GRID2: variants seen among roughly 807,000 people sequenced by gnomAD.
GRID2 encodes the protein glutamate ionotropic receptor delta type subunit 2, also known as glutamate receptor ionotropic, delta-2.
In GRID2, 33 loss-of-function variants were observed where a neutral mutation model predicts 114.8. The observed-to-expected ratio is 0.29, with a 90% CI of 0.22 to 0.38. The LOEUF (loss-of-function observed/expected upper bound fraction) is 0.38, where lower values mean the gene tolerates loss of function less well. Among genes scored for constraint, GRID2 ranks in the 10% least tolerant of loss-of-function variants. The pLI is 1.00. For missense variants in GRID2, 1,184 were observed against 1,257.7 expected (o/e 0.94, Z 0.89); for synonymous variants, 505 against 449.9 (o/e 1.12, Z -1.55).
chr4:93,493,343 A>G (rs1727205392), intron 12 of GRID2, among the ~76,000 whole-genome samples: 1 of 151,880 alleles, frequency 6.6e-6, no homozygotes, highest in Admixed American at 6.6e-5. Context: ...CCAGAAGTTA[A>G]GCATATTACA....
At chr4:93,184,280 A>C (rs910520866) in intron 4 of GRID2, among the ~76,000 whole-genome samples, 2 of 152,144 alleles carry the variant, frequency 1.3e-5, no homozygotes, top group African/African-American at 4.8e-5. Context: ...GCTATGCATG[A>C]AGGCACACAT....
chr4:92,484,475 G>T (rs1351299649), intron 1 of GRID2, among the ~76,000 whole-genome samples: 3 of 152,084 alleles, frequency 2.0e-5, no homozygotes, highest in Non-Finnish European at 4.4e-5. Flanking sequence ...CATCTTCATA[G>T]AGTACTCAGA....
chr4:93,005,341 C>CA (rs1313518971), intron 2 of GRID2, among the ~76,000 whole-genome samples: 3 of 152,058 alleles, frequency 2.0e-5, no homozygotes, highest in African/African-American at 7.2e-5. Context: ...GTGCTGCCTA[C>CA]AGACTTTATA....
intron 2 of GRID2, among the ~76,000 whole-genome samples, chr4:92,777,212 G>A (rs550748720): frequency 6.6e-6 from 1 of 151,638 alleles, no homozygotes; most frequent in Non-Finnish European, 1.5e-5. Context: ...GTATAAGTAG[G>A]TTTCTCAGTA....
intron 3 of GRID2, among the ~76,000 whole-genome samples, chr4:93,093,386 A>G (rs1730941221): frequency 6.6e-6 from 1 of 152,042 alleles, no homozygotes; most frequent in Non-Finnish European, 1.5e-5. Context: ...CCCAACTGGC[A>G]TAGTCATTAG....
chr4:93,467,139 A>G (rs1724358683), intron 11 of GRID2, among the ~76,000 whole-genome samples: 1 of 152,228 alleles, frequency 6.6e-6, no homozygotes, highest in African/African-American at 2.4e-5. Flanking sequence ...AGAAAATCAA[A>G]GTTCATGATA....
At chr4:92,897,540 G>A (rs887173373) in intron 2 of GRID2, among the ~76,000 whole-genome samples, 1 of 152,242 alleles carries the variant, frequency 6.6e-6, no homozygotes, top group African/African-American at 2.4e-5. Flanking sequence ...CTTCCAGCAG[G>A]ACTTACACGT....
intron 13 of GRID2, among the ~76,000 whole-genome samples, chr4:93,568,700 A>G (rs1422040382): frequency 1.3e-5 from 2 of 152,206 alleles, no homozygotes; most frequent in Non-Finnish European, 2.9e-5. Context: ...ATCCTTTGCA[A>G]CAAACCATCA....
chr4:93,638,202 C>CTTTA (rs1469277959), intron 14 of GRID2, among the ~76,000 whole-genome samples: 3 of 150,866 alleles, frequency 2.0e-5, no homozygotes, highest in African/African-American at 4.9e-5. Context: ...TTATAAAGCT[C>CTTTA]TTTATTTTTT....
chr4:93,537,860 A>AT (rs2149523137), intron 13 of GRID2, among the ~76,000 whole-genome samples: 1 of 151,676 alleles, frequency 6.6e-6, no homozygotes, highest in South Asian at 2.1e-4. Flanking sequence ...GAATATGTTC[A>AT]TTTTTTCCTT....
At chr4:92,875,665 G>C (rs1745577706) in intron 2 of GRID2, among the ~76,000 whole-genome samples, 1 of 151,904 alleles carries the variant, frequency 6.6e-6, no homozygotes, top group African/African-American at 2.4e-5. Flanking sequence ...CATGGGGGTG[G>C]GCTGAATTTT....
At chr4:93,443,072 C>T (rs1721768468) in intron 10 of GRID2, among the ~76,000 whole-genome samples, 1 of 151,934 alleles carries the variant, frequency 6.6e-6, no homozygotes, top group Non-Finnish European at 1.5e-5. Context: ...CACTCGAAAG[C>T]CACTATTTTT....
chr4:93,688,133 G>A (rs1726234225), intron 14 of GRID2, among the ~76,000 whole-genome samples: 1 of 151,924 alleles, frequency 6.6e-6, no homozygotes. Flanking sequence ...AGCTGAGAAT[G>A]AGGGGATAGA....
chr4:93,455,716 G>A lies in GRID2; in HGVS notation c.1600G>A (p.Val534Met), dbSNP rs1723124429. ...CATCACTCCAGATCGTGAAAATGTG[G>A]TGGACTTTACGACACGTTACATGGA... Reference protein sequence around the residue: ...LTITPDRENVVDFTTRYMDYS... With the variant: ...LTITPDRENVMDFTTRYMDYS... Residue 534 changes from valine to methionine, a missense_variant, in exon 11 of 16, where the codon GTG becomes ATG. Transcript: ENST00000282020. 6.2e-7 allele frequency: 1 copy of A among 1,613,050 alleles called. No homozygotes were observed. Among genetic ancestry groups the A allele is most frequent in the Non-Finnish European group, 8.5e-7 (1 of 1,179,100 alleles).
chr4:92,523,659 G>C lies in GRID2; in HGVS notation c.89-66472G>C, dbSNP rs954575470. ...GCACACAGTCACTCTGTAAGATAAA[G>C]ACTGTAAAAGTATGCTAGAAATGAG... On this transcript the variant is annotated intron_variant, in intron 1 of 15. Coordinates refer to ENST00000282020, the MANE Select transcript of GRID2 (RefSeq NM_001510.4). 7.2e-5 allele frequency among the ~76,000 whole-genome samples: 11 copies of C among 152,136 alleles called. No individual in the cohort carries two copies. In the East Asian group the frequency reaches 2.1e-3, roughly 30 times the overall value.
chr4:92,806,741 T>C (rs1198183745), intron 2 of GRID2, among the ~76,000 whole-genome samples: 8 of 151,996 alleles, frequency 5.3e-5, no homozygotes, highest in African/African-American at 9.7e-5. Context: ...GATGGAACTT[T>C]CAAAACTTCT....
At chr4:92,418,317 A>G (rs777623443) in intron 1 of GRID2, among the ~76,000 whole-genome samples, 2 of 152,124 alleles carry the variant, frequency 1.3e-5, no homozygotes, top group Non-Finnish European at 2.9e-5. Context: ...AATGGAATAC[A>G]CTGCAAAATG....
chr4:93,345,915 T>C (rs1760182366), intron 8 of GRID2, among the ~76,000 whole-genome samples: 1 of 152,182 alleles, frequency 6.6e-6, no homozygotes. Flanking sequence ...TTTTCCCATT[T>C]TGTGTACTTG....
Position 93,238,475 on chromosome 4 carries a change from C to T in GRID2, c.1230C>T (p.Gly410=), listed in dbSNP as rs1747070366. 3 of 1,609,534 alleles carry T rather than the reference C, an allele frequency of 1.9e-6. No homozygotes were observed. Among genetic ancestry groups the T allele is most frequent in the Non-Finnish European group, 2.5e-6 (3 of 1,176,586 alleles). Residue 410 remains glycine (G), a synonymous_variant, in exon 8 of 16, where the codon GGC becomes GGT. Coordinates refer to ENST00000282020, the MANE Select transcript of GRID2 (RefSeq NM_001510.4). ...GAACCAACTATGGAGAAGAGCTTGG[C>T]AGAGGTGTTCGAAAAGTAAGACAAG... The part of the protein sequence containing the change: ...ILGTNYGEEL[G]RGVRKLGCWN...
Sources: allele counts gnomAD v4.1 joint callset (sites outside exome capture counted in the v4.1 genomes callset), GRCh38; gene constraint gnomAD v4.1.1; transcripts MANE v1.5; gene names NCBI Gene and HGNC (gene_info 2026-07-23, HGNC 2026-07-21).